Variants in DLC1 observed in about 807,000 individuals in gnomAD.
DLC1 encodes rho GTPase-activating protein 7.
In DLC1, 54 loss-of-function variants were observed where a neutral mutation model predicts 140.3. The observed-to-expected ratio is 0.38, with a 90% CI of 0.31 to 0.48. The LOEUF is 0.48. DLC1 is among the 20% of genes least tolerant of loss of function. The pLI is 0.96. For synonymous variants in DLC1, 986 were observed against 728.1 expected (o/e 1.35, Z -5.70); for missense variants, 2,536 against 1,907.0 (o/e 1.33, Z -6.14).
chr8:13,285,543 C>G (rs530038108), intron 5 of DLC1, among the ~76,000 whole-genome samples: 1 of 152,054 alleles, frequency 6.6e-6, no homozygotes, highest in South Asian at 2.1e-4. Flanking sequence ...TATGAATGGC[C>G]AATAAGTACA....
At chr8:13,322,817 C>A (rs1833179274) in intron 4 of DLC1, among the ~76,000 whole-genome samples, 1 of 149,834 alleles carries the variant, frequency 6.7e-6, no homozygotes, top group African/African-American at 2.5e-5. Flanking sequence ...TTTAACACTC[C>A]CCCTTTTAAA....
chr8:13,262,008 C>T (rs1563206543), intron 5 of DLC1, among the ~76,000 whole-genome samples: 1 of 152,080 alleles, frequency 6.6e-6, no homozygotes, highest in Non-Finnish European at 1.5e-5. Flanking sequence ...TCAATCTCAC[C>T]TTCTTTCTGA....
intron 1 of DLC1, among the ~76,000 whole-genome samples, chr8:13,566,689 C>CT (rs1804439952): frequency 1.3e-5 from 2 of 152,240 alleles, no homozygotes; most frequent in African/African-American, 4.8e-5. Flanking sequence ...GACTACTCGA[C>CT]TTTAGCACCA....
intron 2 of DLC1, among the ~76,000 whole-genome samples, chr8:13,490,838 A>C (rs1392401336): frequency 6.6e-6 from 1 of 152,006 alleles, no homozygotes; most frequent in East Asian, 1.9e-4. Flanking sequence ...TCCTGTTAAC[A>C]GCTGATGTAA....
intron 4 of DLC1, among the ~76,000 whole-genome samples, chr8:13,318,357 C>G (rs1049624353): frequency 2.0e-5 from 3 of 152,042 alleles, no homozygotes; most frequent in African/African-American, 7.2e-5. Flanking sequence ...TTAATAACTA[C>G]CAAAGGGATA....
chr8:13,171,380 C>T (rs975458198), intron 5 of DLC1, among the ~76,000 whole-genome samples: 2 of 152,090 alleles, frequency 1.3e-5, no homozygotes, highest in Non-Finnish European at 2.9e-5. Flanking sequence ...TGTAGGTGCC[C>T]TACTTCCTTT....
chr8:13,163,520 A>G (rs1173081651), intron 5 of DLC1, among the ~76,000 whole-genome samples: 2 of 152,130 alleles, frequency 1.3e-5, no homozygotes, highest in East Asian at 3.9e-4. Flanking sequence ...CTGTGACAAC[A>G]CCAGTCACAG....
chr8:13,349,350 C>T (rs1834525020), intron 4 of DLC1, among the ~76,000 whole-genome samples: 1 of 151,946 alleles, frequency 6.6e-6, no homozygotes, highest in East Asian at 1.9e-4. Context: ...AGCAGATTCA[C>T]CTATCTTAGA....
At chr8:13,230,597 CTTTT>C (rs548424340) in intron 5 of DLC1, among the ~76,000 whole-genome samples, 1 of 133,710 alleles carries the variant, frequency 7.5e-6, no homozygotes, top group Non-Finnish European at 1.6e-5. Context: ...TTTCTTTTTT[CTTTT>C]TTTTTTTTTT....
chr8:13,217,630 C>T (rs544357300), intron 5 of DLC1, among the ~76,000 whole-genome samples: 1 of 151,982 alleles, frequency 6.6e-6, no homozygotes, highest in African/African-American at 2.4e-5. Flanking sequence ...GTCAGGAGAT[C>T]GAGACCATCC....
intron 4 of DLC1, among the ~76,000 whole-genome samples, chr8:13,393,300 G>A (rs1489386082): frequency 2.0e-5 from 3 of 150,068 alleles, no homozygotes; most frequent in South Asian, 2.1e-4. Flanking sequence ...CTGAGTATCC[G>A]GCAATGAAAT....
At chr8:13,144,752 G>C (rs951449641) in intron 5 of DLC1, among the ~76,000 whole-genome samples, 1 of 152,092 alleles carries the variant, frequency 6.6e-6, no homozygotes, top group Non-Finnish European at 1.5e-5. Flanking sequence ...GCAACAGAGC[G>C]ATACTCTGCC....
At chr8:13,167,341 G>T (rs1825173989) in intron 5 of DLC1, among the ~76,000 whole-genome samples, 1 of 152,080 alleles carries the variant, frequency 6.6e-6, no homozygotes, top group Non-Finnish European at 1.5e-5. Flanking sequence ...TTCATATGAG[G>T]GGTTTGGGGA....
At chr8:13,304,994 T>C (rs1832359292) in intron 5 of DLC1, 1 of 1,085,898 alleles carries the variant, frequency 9.2e-7, no homozygotes, top group Non-Finnish European at 1.1e-6. Context: ...CAACATTTAA[T>C]TCTTTTGCTT....
At chr8:13,334,974 C>T (rs1035496988) in intron 4 of DLC1, among the ~76,000 whole-genome samples, 2 of 152,146 alleles carry the variant, frequency 1.3e-5, no homozygotes, top group East Asian at 3.9e-4. Flanking sequence ...ATGGCAGAGT[C>T]TGAATTAGCC....
intron 1 of DLC1, among the ~76,000 whole-genome samples, chr8:13,580,414 C>A (rs1172410077): frequency 6.6e-6 from 1 of 152,206 alleles, no homozygotes; most frequent in African/African-American, 2.4e-5. Context: ...AGCCACCGCG[C>A]CCGGCAGGTT....
intron 5 of DLC1, among the ~76,000 whole-genome samples, chr8:13,259,265 C>T (rs1379257042): frequency 6.6e-6 from 1 of 152,100 alleles, no homozygotes; most frequent in East Asian, 1.9e-4. Flanking sequence ...CGCCCCAAGG[C>T]CATCCAACAC....
At chr8:13,431,466 G>C (rs1195788333) in intron 2 of DLC1, among the ~76,000 whole-genome samples, 15 of 108,144 alleles carry the variant, frequency 1.4e-4, no homozygotes, top group African/African-American at 5.5e-4. Context: ...CTGGGCCACA[G>C]AGCGAGACTC....
intron 1 of DLC1, among the ~76,000 whole-genome samples, chr8:13,504,282 A>G (rs919602515): frequency 2.0e-5 from 3 of 152,022 alleles, no homozygotes; most frequent in Admixed American, 6.6e-5. Flanking sequence ...ATGTGCCACA[A>G]TGCCAGGATA....
Sources: allele counts gnomAD v4.1 joint callset (sites outside exome capture counted in the v4.1 genomes callset), GRCh38; gene constraint gnomAD v4.1.1; transcripts MANE v1.5; gene names NCBI Gene and HGNC (gene_info 2026-07-23, HGNC 2026-07-21).